Variants in STK39 observed in about 807,000 individuals in gnomAD.
STK39 encodes the protein serine/threonine kinase 39.
In STK39, 20 loss-of-function variants were observed where a neutral mutation model predicts 77.8. The ratio of observed to expected loss-of-function variants is 0.26; its 90% CI spans 0.18 to 0.37. STK39 has a LOEUF of 0.37. Among genes scored for constraint, STK39 ranks in the 10% least tolerant of loss-of-function variants. The pLI, the probability that STK39 is intolerant of heterozygous loss-of-function variation, is 1.00. For missense variants in STK39, 479 were observed against 656.5 expected, an observed-to-expected ratio of 0.73 and a Z score of 2.95; for synonymous variants, 246 against 234.1, an observed-to-expected ratio of 1.05 and a Z score of -0.47.
chr2:168,042,577 C>CTTTTTTTTTTTTTTT (rs540413448), intron 14 of STK39, among the ~76,000 whole-genome samples: 1 of 133,046 alleles, frequency 7.5e-6, no homozygotes, highest in Non-Finnish European at 1.6e-5. Context: ...TTCCTTCCTT[C>CTTTTTTTTTTTTTTT]TTTTTTTTTT....
At chr2:168,236,869 A>C (rs1422041876) in intron 1 of STK39, among the ~76,000 whole-genome samples, 1 of 152,012 alleles carries the variant, frequency 6.6e-6, no homozygotes, top group Non-Finnish European at 1.5e-5. Context: ...GGATAGTTTG[A>C]AGTCAGGTAG....
At chr2:168,218,755 T>C (rs532080637) in intron 1 of STK39, among the ~76,000 whole-genome samples, 1 of 152,312 alleles carries the variant, frequency 6.6e-6, no homozygotes, top group African/African-American at 2.4e-5. Flanking sequence ...CCAAAAGCTC[T>C]AGACTCTGAA....
intron 12 of STK39, among the ~76,000 whole-genome samples, chr2:168,072,047 T>G (rs1685955081): frequency 6.6e-6 from 1 of 152,156 alleles, no homozygotes; most frequent in Non-Finnish European, 1.5e-5. Flanking sequence ...ATAAACAATT[T>G]TCATTCATCT....
At chr2:168,241,741 A>G (rs1167037509) in intron 1 of STK39, among the ~76,000 whole-genome samples, 2 of 152,278 alleles carry the variant, frequency 1.3e-5, no homozygotes, top group Non-Finnish European at 2.9e-5. Flanking sequence ...GCATCTGATT[A>G]GCAAATGAAG....
At chr2:168,101,922 A>G (rs745799098) in intron 10 of STK39, among the ~76,000 whole-genome samples, 5 of 152,032 alleles carry the variant, frequency 3.3e-5, no homozygotes, top group Non-Finnish European at 7.4e-5. Context: ...TCCTATCCCC[A>G]TTAGCAGTTA....
At position 168,016,019 on chromosome 2, in the gene STK39, C is replaced by T. The variant is rs541347650; in HGVS notation, c.1429+1024G>A. 2.9e-3 allele frequency among the ~76,000 whole-genome samples: 446 copies of T among 152,244 alleles called. 1 individual carries two copies. The highest frequency in any genetic ancestry group is 4.9e-3 in the Non-Finnish European group (333 of 68,002). On this transcript the variant is annotated intron_variant, in intron 15 of 17. Transcript: ENST00000355999. ...CTTGACTCAATGCACTCTCTGCCTCCCAGGTTCAAGTGATTCTCTTGCCTC... is the reference window on the plus strand; with the variant it reads ...CTTGACTCAATGCACTCTCTGCCTCTCAGGTTCAAGTGATTCTCTTGCCTC...
At position 168,151,026 on chromosome 2, in the gene STK39, T is replaced by C. The variant is rs555194028; in HGVS notation, c.629-10268A>G. Among the ~76,000 whole-genome samples, 7 of 152,258 alleles carry C rather than the reference T, an allele frequency of 4.6e-5. No homozygotes were observed. In the South Asian group the frequency reaches 1.2e-3, roughly 27 times the overall value. On this transcript the variant is annotated intron_variant, in intron 5 of 17. Coordinates refer to ENST00000355999, the MANE Select transcript of STK39 (RefSeq NM_013233.3). Reference sequence around the variant, plus strand: ...TGCTCAATGGCCTTGTTTGGCTCTATATGCCATGGGCCCCAACCATGGCAT... The same window carrying C: ...TGCTCAATGGCCTTGTTTGGCTCTACATGCCATGGGCCCCAACCATGGCAT...
intron 10 of STK39, among the ~76,000 whole-genome samples, chr2:168,119,422 T>C (rs1282168088): frequency 6.6e-6 from 1 of 152,222 alleles, no homozygotes; most frequent in African/African-American, 2.4e-5. Flanking sequence ...GATGTTTGTT[T>C]CTGACACGAA....
At chr2:168,233,707 T>A (rs1690519410) in intron 1 of STK39, among the ~76,000 whole-genome samples, 1 of 152,234 alleles carries the variant, frequency 6.6e-6, no homozygotes, top group African/African-American at 2.4e-5. Context: ...CTAATTAGGG[T>A]TAATTTCAGA....
chr2:168,065,295 G>A (rs748888096), intron 13 of STK39, 24 bp downstream of exon 13: 31 of 1,613,218 alleles, frequency 1.9e-5, no homozygotes, highest in South Asian at 7.7e-5. Context: ...CACCTCAAAC[G>A]GAATGACTGG....
chr2:168,203,585 C>T (rs1343161462), intron 1 of STK39, among the ~76,000 whole-genome samples: 1 of 152,178 alleles, frequency 6.6e-6, no homozygotes. Flanking sequence ...TTGTCACCAG[C>T]GTCAGAGATG....
rs1053676884 is a variant in STK39, at chr2:168,004,461, G to A, written c.1498+8173C>T. On this transcript the variant is annotated intron_variant, in intron 16 of 17. Transcript: ENST00000355999. ...AATAAAGTGACTATGGGCTGGGCGC[G>A]TTGGCTCACACCTGTAATCCCAGCA... is the stretch of plus-strand genomic sequence containing the variant. Among the ~76,000 whole-genome samples, 9 of 152,222 alleles carry A rather than the reference G, an allele frequency of 5.9e-5. No individual in the cohort carries two copies. The East Asian group carries it at 1.4e-3, about 23-fold the overall frequency.
chr2:168,004,297 G>A (rs1413861382), intron 16 of STK39, among the ~76,000 whole-genome samples: 1 of 152,100 alleles, frequency 6.6e-6, no homozygotes, highest in Non-Finnish European at 1.5e-5. Context: ...AAAGTTAACT[G>A]GCACAGTTTT....
At chr2:168,098,004 C>T (rs1686719649) in intron 10 of STK39, among the ~76,000 whole-genome samples, 1 of 152,190 alleles carries the variant, frequency 6.6e-6, no homozygotes. Flanking sequence ...TTCTAGAAGC[C>T]TCATAGCAAA....
intron 8 of STK39, among the ~76,000 whole-genome samples, chr2:168,130,948 C>T (rs1402999622): frequency 6.6e-6 from 1 of 152,174 alleles, no homozygotes; most frequent in Admixed American, 6.5e-5. Context: ...ACACACAGCC[C>T]TGGACTGGAT....
intron 1 of STK39, among the ~76,000 whole-genome samples, chr2:168,226,381 C>T (rs1310553033): frequency 1.3e-5 from 2 of 152,040 alleles, no homozygotes; most frequent in Non-Finnish European, 2.9e-5. Flanking sequence ...ATAAAGAATG[C>T]CCCATTATTT....
rs1416978757 is a variant in STK39, at chr2:168,203,218, C to T, written c.209-21128G>A. 2.6e-5 allele frequency among the ~76,000 whole-genome samples: 4 copies of T among 152,090 alleles called. No individual in the cohort carries two copies. In the South Asian group the frequency reaches 8.3e-4, roughly 32 times the overall value. On this transcript the variant is annotated intron_variant, in intron 1 of 17. Coordinates refer to ENST00000355999, the MANE Select transcript of STK39 (RefSeq NM_013233.3). ...AAAAATCTCCCTCAGCTGAGGACCA[C>T]AGCTCTAAGAGTTAGAGGGGTTCTG...
At chr2:168,124,826 A>T (rs1687498672) in intron 10 of STK39, among the ~76,000 whole-genome samples, 1 of 152,186 alleles carries the variant, frequency 6.6e-6, no homozygotes, top group African/African-American at 2.4e-5. Context: ...TTCCTGTAGA[A>T]GATGCACACA....
intron 1 of STK39, among the ~76,000 whole-genome samples, chr2:168,209,918 G>A (rs564721567): frequency 2.1e-4 from 32 of 151,426 alleles, no homozygotes; most frequent in Non-Finnish European, 4.3e-4. Flanking sequence ...AGAATTGCTT[G>A]AGCCTGGGAG....
Sources: gnomAD v4.1 joint callset for allele counts (sites outside exome capture counted in the v4.1 genomes callset) on GRCh38, gnomAD v4.1.1 for gene constraint, MANE v1.5 for transcripts, NCBI Gene and HGNC (gene_info 2026-07-23, HGNC 2026-07-21) for gene names.